Variants in TIMP4 observed in about 807,000 individuals in gnomAD.
TIMP4 encodes TIMP metallopeptidase inhibitor 4.
Under a neutral mutation model 27.3 loss-of-function variants are expected in TIMP4, and 28 were observed. The observed-to-expected ratio is 1.03, with a 90% confidence interval of 0.76 to 1.41. The LOEUF (loss-of-function observed/expected upper bound fraction) is 1.41. Among genes scored for constraint, TIMP4 ranks in the 40% most tolerant of loss-of-function variants. The pLI is 0.00. For synonymous variants in TIMP4, 138 were observed against 115.5 expected (o/e 1.20, Z -1.25); for missense variants, 307 against 285.5 (o/e 1.08, Z -0.54).
chr3:12,154,465 T>A lies in TIMP4; in HGVS notation c.353-14A>T. ...TGAGGACCTGACCTTCAAGGGGAGA[T>A]GGAGGAGAGTCAAGCATCAGGATTC... On this transcript the variant is annotated splice_polypyrimidine_tract_variant and intron_variant, in intron 3 of 4. Coordinates refer to ENST00000287814, the MANE Select transcript of TIMP4 (RefSeq NM_003256.4). The A allele has an allele frequency of 6.2e-7, 1 of 1,613,622 alleles. No individual in the cohort carries two copies. The highest frequency in any genetic ancestry group is 8.5e-7 in the Non-Finnish European group (1 of 1,179,722).
chr3:12,156,067 A>C (rs1697447920), intron 3 of TIMP4, among the ~76,000 whole-genome samples: 1 of 151,620 alleles, frequency 6.6e-6, no homozygotes, highest in East Asian at 1.9e-4. Context: ...CTGAATCTCC[A>C]CTCTCCTGGC....
At position 12,155,937 on chromosome 3, in the gene TIMP4, G is replaced by A. The variant is rs1268699912; in HGVS notation, c.352+883C>T. On this transcript the variant is annotated intron_variant, in intron 3 of 4. Transcript: ENST00000287814. Reference sequence around the variant, plus strand: ...GCCTCTTCCATCCAGGAGCTCCTCAGTTCTGTACAATTCCACATCCTCAGA... The same window carrying A: ...GCCTCTTCCATCCAGGAGCTCCTCAATTCTGTACAATTCCACATCCTCAGA... 2.0e-5 allele frequency among the ~76,000 whole-genome samples: 3 copies of A among 152,198 alleles called. No individual in the cohort carries two copies. The East Asian group carries it at 5.8e-4, about 29-fold the overall frequency.
rs372880472 is a variant in TIMP4 at position 12,158,855 on chromosome 3, G to A, written c.-15C>T. 84 of 1,555,206 alleles carry A rather than the reference G, an allele frequency of 5.4e-5. No individual in the cohort carries two copies. The highest frequency in any genetic ancestry group is 8.4e-5 in the South Asian group (7 of 83,698). ...CTCCCAGGCATGACACTGCAGATCC[G>A]CGACTGAGCCTGTGAGGTCTGGGGG... On this transcript the variant is annotated 5_prime_UTR_variant, in exon 1 of 5. Coordinates refer to ENST00000287814, the MANE Select transcript of TIMP4 (RefSeq NM_003256.4).
intron 2 of TIMP4, 48 bp from the exon 3 acceptor site, chr3:12,156,982 T>A: frequency 7.3e-7 from 1 of 1,370,420 alleles, no homozygotes; most frequent in Non-Finnish European, 1.0e-6. Flanking sequence ...GTGAGTGTAC[T>A]GTATATATTA....
intron 3 of TIMP4, among the ~76,000 whole-genome samples, chr3:12,155,668 C>T (rs532035311): frequency 6.6e-6 from 1 of 152,212 alleles, no homozygotes; most frequent in South Asian, 2.1e-4. Flanking sequence ...TCCTGTAGGA[C>T]CTGGGCACCA....
chr3:12,153,896 A>G (rs1184457720), intron 4 of TIMP4, among the ~76,000 whole-genome samples, 184 bp from the exon 5 acceptor site: 2 of 151,962 alleles, frequency 1.3e-5, no homozygotes, highest in Non-Finnish European at 2.9e-5. Flanking sequence ...CAATATTGCC[A>G]CTTAGTGGCA....
intron 4 of TIMP4, 131 bp from the exon 5 acceptor site, chr3:12,153,843 C>A: frequency 1.0e-6 from 1 of 962,668 alleles, no homozygotes; most frequent in South Asian, 1.6e-5. Context: ...TTCCCAGTCC[C>A]CAGTCTTCTC....
At position 12,158,701 on chromosome 3, in the gene TIMP4, C is replaced by A; in HGVS notation, c.139+1G>T. 1.2e-6 allele frequency: 2 copies of A among 1,610,328 alleles called. No individual in the cohort carries two copies. Among genetic ancestry groups the A allele is most frequent in the Non-Finnish European group, 1.7e-6 (2 of 1,179,680 alleles). On this transcript the variant is annotated splice_donor_variant, in intron 1 of 4. Transcript: ENST00000287814. LOFTEE classifies it high-confidence loss of function. ...GTGGACCTCGCGGACCTCGGACTCA[C>A]CAAGTGCCGAGTGGCAGATGTGCTG...
Position 12,154,339 on chromosome 3 carries a change from G to C in TIMP4, c.465C>G (p.Asn155Lys), listed in dbSNP as rs1422965896. 1 of 1,614,240 alleles carries C rather than the reference G, an allele frequency of 6.2e-7. No individual in the cohort carries two copies. Among genetic ancestry groups the C allele is most frequent in the Non-Finnish European group, 8.5e-7 (1 of 1,180,028 alleles). ...RESLNHHYHL[N>K]CGCQITTCYT... ...GACATTCCCTTACTTGGCAGCCACA[G>C]TTCAGATGGTAGTGATGATTCAGAC... is the stretch of plus-strand genomic sequence containing the variant. The change falls in exon 4 of 5, where the codon AAC becomes AAG. Residue 155 changes from asparagine to lysine, a missense_variant. Physicochemically the swap from Asn to Lys is moderately conservative, Grantham distance 94. Transcript: ENST00000287814.
rs186593013 is a variant in TIMP4, at chr3:12,153,787, C to T, written c.478-75G>A. On this transcript the variant is annotated intron_variant, in intron 4 of 4. Transcript: ENST00000287814. ...TCCATTGCTGCCTTTCAGATTCCTA[C>T]GTACCTTTCCAGCCCATCTCAAATG... 3.6e-5 allele frequency: 54 copies of T among 1,518,002 alleles called. No individual in the cohort carries two copies. The African/African-American group carries it at 5.2e-4, about 15-fold the overall frequency. 94.0% of individuals were successfully genotyped at this position (1,518,002 alleles called of 1,614,324 possible).
At chr3:12,156,981 C>T (rs779900052) in intron 2 of TIMP4, 47 bp from the exon 3 acceptor site, 4 of 1,378,924 alleles carry the variant, frequency 2.9e-6, no homozygotes, top group African/African-American at 2.9e-5. Flanking sequence ...AGTGAGTGTA[C>T]TGTATATATT....
At position 12,153,676 on chromosome 3, in the gene TIMP4, C is replaced by T; in HGVS notation, c.514G>A (p.Ala172Thr). The T allele has an allele frequency of 6.2e-7, 1 of 1,614,178 alleles. No homozygotes were observed. Among genetic ancestry groups the T allele is most frequent in the Non-Finnish European group, 8.5e-7 (1 of 1,180,032 alleles). ...TCTGTCCAGAGGCACTCGTTAGGGG[C>T]CGAGATGGTACAGGGTACTGTGTAG... ...TCYTVPCTISAPNECLWTDWL... is the reference protein window; with the variant it reads ...TCYTVPCTISTPNECLWTDWL... Residue 172 changes from alanine to threonine, a missense_variant, in exon 5 of 5, where the codon GCC becomes ACC. Coordinates refer to ENST00000287814, the MANE Select transcript of TIMP4 (RefSeq NM_003256.4).
Position 12,153,661 on chromosome 3 carries a change from G to C in TIMP4, c.529C>G (p.Leu177Val). The C allele has an allele frequency of 6.2e-7, 1 of 1,614,222 alleles. No individual in the cohort carries two copies. Among genetic ancestry groups the C allele is most frequent in the Non-Finnish European group, 8.5e-7 (1 of 1,180,040 alleles). Residue 177 changes from leucine to valine, a missense_variant, in exon 5 of 5, where the codon CTC becomes GTC. Transcript: ENST00000287814. ...PCTISAPNEC[L>V]WTDWLLERKL... Reference sequence around the variant, plus strand: ...CGTTCCAACAGCCAGTCTGTCCAGAGGCACTCGTTAGGGGCCGAGATGGTA... The same window carrying C: ...CGTTCCAACAGCCAGTCTGTCCAGACGCACTCGTTAGGGGCCGAGATGGTA...
Position 12,153,191 on chromosome 3 carries a change from C to G in TIMP4, c.*324G>C. On this transcript the variant is annotated 3_prime_UTR_variant, in exon 5 of 5. Transcript: ENST00000287814. Reference sequence around the variant, plus strand: ...ATTCGCCATTTCTCCCCTACCAGATCGATTAAGACAAAGGAAAACACATAT... The same window carrying G: ...ATTCGCCATTTCTCCCCTACCAGATGGATTAAGACAAAGGAAAACACATAT... 2 of 408,752 alleles carry G rather than the reference C, an allele frequency of 4.9e-6. No individual in the cohort carries two copies. The highest frequency in any genetic ancestry group is 4.9e-5 in the East Asian group (1 of 20,582). 25.3% of individuals were successfully genotyped at this position (408,752 alleles called of 1,614,324 possible). A position where few individuals can be genotyped will look rare whatever the true frequency, so the allele number is the denominator to read the frequency against.
chr3:12,157,158 C>A (rs1697483062), intron 2 of TIMP4, among the ~76,000 whole-genome samples: 1 of 152,166 alleles, frequency 6.6e-6, no homozygotes, highest in South Asian at 2.1e-4. Flanking sequence ...CCTGTAGTGG[C>A]ACCATACACC....
chr3:12,158,772 G>A lies in TIMP4; in HGVS notation c.69C>T (p.Pro23=), dbSNP rs1298644403. The change falls in exon 1 of 5, where the codon CCC becomes CCT. Residue 23 remains proline, a synonymous_variant. Coordinates refer to ENST00000287814, the MANE Select transcript of TIMP4 (RefSeq NM_003256.4). ...AGCTGCATGCCTCACCCAGCCCCGGGGGCCGCAGCAACGCCAGCAGCCGCA... is the reference window on the plus strand; with the variant it reads ...AGCTGCATGCCTCACCCAGCCCCGGAGGCCGCAGCAACGCCAGCAGCCGCA... ...LLLRLLALLR[P]PGLGEACSCA... 1.2e-6 allele frequency: 2 copies of A among 1,605,670 alleles called. No homozygotes were observed. Among genetic ancestry groups the A allele is most frequent in the East Asian group, 2.2e-5 (1 of 44,796 alleles).
In TIMP4 at chr3:12,157,485, G is replaced by A. The variant is rs1256536245; in HGVS notation, c.140-3C>T. On this transcript the variant is annotated splice_polypyrimidine_tract_variant and splice_region_variant and intron_variant, in intron 1 of 4. Coordinates refer to ENST00000287814, the MANE Select transcript of TIMP4 (RefSeq NM_003256.4). ...ACTGGAGATTTTGGCCCGAATCACT[G>A]CATAGGAAGAGAAAAGAGGGAACCT... 2 of 1,613,970 alleles carry A rather than the reference G, an allele frequency of 1.2e-6. No individual in the cohort carries two copies. Among genetic ancestry groups the A allele is most frequent in the African/African-American group, 2.7e-5 (2 of 74,918 alleles).
rs1156636582 is a variant in TIMP4, at chr3:12,157,481, C to T, written c.141G>A (p.Val47=). The T allele has an allele frequency of 6.2e-7, 1 of 1,613,990 alleles. No individual in the cohort carries two copies. Among genetic ancestry groups the T allele is most frequent in the Non-Finnish European group, 8.5e-7 (1 of 1,180,006 alleles). ...PQQHICHSAL[V]IRAKISSEKV... ...TCTCACTGGAGATTTTGGCCCGAAT[C>T]ACTGCATAGGAAGAGAAAAGAGGGA... is the stretch of plus-strand genomic sequence containing the variant. Residue 47 remains valine (V), a splice_region_variant and synonymous_variant, in exon 2 of 5, where the codon GTG becomes GTA. Coordinates refer to ENST00000287814, the MANE Select transcript of TIMP4 (RefSeq NM_003256.4).
In TIMP4 at chr3:12,157,505, G is replaced by T. The variant is rs764585998; in HGVS notation, c.140-23C>A. 3 of 1,612,110 alleles carry T rather than the reference G, an allele frequency of 1.9e-6. No individual in the cohort carries two copies. The African/African-American group carries it at 4.0e-5, about 22-fold the overall frequency. The stretch of plus-strand genomic sequence containing the variant: ...TCACTGCATAGGAAGAGAAAAGAGG[G>T]AACCTTCAGCAGCTGGTGGGGGCAA... On this transcript the variant is annotated intron_variant, in intron 1 of 4. Transcript: ENST00000287814.
Sources: allele counts gnomAD v4.1 joint callset (sites outside exome capture counted in the v4.1 genomes callset), GRCh38; gene constraint gnomAD v4.1.1; transcripts MANE v1.5; gene names NCBI Gene and HGNC (gene_info 2026-07-23, HGNC 2026-07-21).